Variants in TCHH observed in about 807,000 individuals in gnomAD.
TCHH encodes the protein trichohyalin.
In TCHH, 6 loss-of-function variants were observed where a neutral mutation model predicts 6.3. That is an observed-to-expected ratio of 0.95 (90% CI 0.52 to 1.88). The LOEUF is 1.88. Among genes scored for constraint, TCHH ranks in the 40% most tolerant of loss-of-function variants. The pLI, the probability that TCHH is intolerant of heterozygous loss-of-function variation, is 0.01. For missense variants in TCHH, 2,920 were observed against 2,449.1 expected, an observed-to-expected ratio of 1.19 and a Z score of -4.06; for synonymous variants, 1,087 against 963.6, an observed-to-expected ratio of 1.13 and a Z score of -2.37.
chr1:152,108,943 C>T lies in TCHH; in HGVS notation c.4274G>A (p.Arg1425His). Residue 1425 changes from arginine (R) to histidine (H), a missense_variant, in exon 3 of 3, where the codon CGC becomes CAC. Coordinates refer to ENST00000614923, the MANE Select transcript of TCHH (RefSeq NM_007113.4). ...ACGGAATTTTCTGTCACGCTCTTGG[C>T]GGCTCAGCTGCTGTTCCTCCTCGCG... ...KFREEEQQLS[R>H]QERDRKFREE... 3.7e-6 allele frequency: 6 copies of T among 1,611,402 alleles called. No homozygotes were observed. The highest frequency in any genetic ancestry group is 1.4e-5 in the African/African-American group (1 of 73,992).
rs1658172575 is a variant in TCHH, at chr1:152,108,143, T to C, written c.5074A>G (p.Lys1692Glu). 1 of 1,612,892 alleles carries C rather than the reference T, an allele frequency of 6.2e-7. No homozygotes were observed. The highest frequency in any genetic ancestry group is 1.3e-5 in the African/African-American group (1 of 74,476). The change falls in exon 3 of 3, where the codon AAA becomes GAA. Residue 1692 changes from lysine to glutamate, a missense_variant. Physicochemically the swap from Lys to Glu is moderately conservative, Grantham distance 56. Transcript: ENST00000614923. Reference sequence around the variant, plus strand: ...AGCTGCTGTTCCTCTTCGCGGAATTTTCTGTCACGCTCTTGGCGGCGCAGC... The same window carrying C: ...AGCTGCTGTTCCTCTTCGCGGAATTCTCTGTCACGCTCTTGGCGGCGCAGC... ...QQLRRQERDR[K>E]FREEEQQLRR... is the part of the protein sequence containing the mutation.
At position 152,109,203 on chromosome 1, in the gene TCHH, GA is replaced by G. The variant is rs1557809494; in HGVS notation, c.4013del (p.Phe1338SerfsTer86). 1 of 1,614,246 alleles carries G rather than the reference GA, an allele frequency of 6.2e-7. No individual in the cohort carries two copies. Among genetic ancestry groups the G allele is most frequent in the Non-Finnish European group, 8.5e-7 (1 of 1,180,036 alleles). On this transcript the variant is annotated frameshift_variant, in exon 3 of 3. Coordinates refer to ENST00000614923, the MANE Select transcript of TCHH (RefSeq NM_007113.4). LOFTEE classifies it low-confidence loss of function (END_TRUNC). Reference sequence around the variant, plus strand: ...CCTGGAGCAGCTGTTCCTCCTCGCGGAATTTTCTGTCTGTCTCTTGACGGCG... The same window carrying G: ...CCTGGAGCAGCTGTTCCTCCTCGCGGATTTTCTGTCTGTCTCTTGACGGCG... ...KRRRQETDRK[F>X]REEEQLLQER...
Position 152,111,873 on chromosome 1 carries a change from C to T in TCHH, c.1344G>A (p.Lys448=). 1.2e-6 allele frequency: 2 copies of T among 1,608,320 alleles called. No homozygotes were observed. The highest frequency in any genetic ancestry group is 1.7e-6 in the Non-Finnish European group (2 of 1,178,832). ...AATCGCGCCTCTCCTCCTGCTCGCG[C>T]TTCAGCCGCTGCTCGCGCCTCTCCT... is the stretch of plus-strand genomic sequence containing the variant. The part of the protein sequence containing the change: ...HEQERREQRL[K]REQEERRDWL... The change falls in exon 3 of 3, where the codon AAG becomes AAA. Residue 448 remains lysine, a synonymous_variant. Transcript: ENST00000614923.
Position 152,112,707 on chromosome 1 carries a change from G to T in TCHH, c.510C>A (p.Asp170Glu), listed in dbSNP as rs1333958642. 1 of 1,613,926 alleles carries T rather than the reference G, an allele frequency of 6.2e-7. No homozygotes were observed. The highest frequency in any genetic ancestry group is 1.3e-5 in the African/African-American group (1 of 74,870). The change falls in exon 3 of 3, where the codon GAC becomes GAA. Residue 170 changes from aspartate (D) to glutamate (E), a missense_variant. Coordinates refer to ENST00000614923, the MANE Select transcript of TCHH (RefSeq NM_007113.4). ...RLEQRDRQRR[D>E]EELWRQRQEW... Reference sequence around the variant, plus strand: ...CTTGCCTTTGCCGCCACAGCTCCTCGTCGCGGCGCTGCCTGTCGCGCTGTT... The same window carrying T: ...CTTGCCTTTGCCGCCACAGCTCCTCTTCGCGGCGCTGCCTGTCGCGCTGTT...
In TCHH at chr1:152,109,446, C is replaced by T; in HGVS notation, c.3771G>A (p.Gln1257=). Reference sequence around the variant, plus strand: ...CTTGCTGGGATTGTCTGTCGCGCAGCTGGGAATCTTCCAACTGCCGGAACT... The same window carrying T: ...CTTGCTGGGATTGTCTGTCGCGCAGTTGGGAATCTTCCAACTGCCGGAACT... The part of the protein sequence containing the change: ...NEQFRQLEDS[Q]LRDRQSQQDL... The change falls in exon 3 of 3, where the codon CAG becomes CAA. Residue 1257 remains glutamine, a synonymous_variant. Coordinates refer to ENST00000614923, the MANE Select transcript of TCHH (RefSeq NM_007113.4). 1 of 1,614,282 alleles carries T rather than the reference C, an allele frequency of 6.2e-7. No individual in the cohort carries two copies. Among genetic ancestry groups the T allele is most frequent in the Non-Finnish European group, 8.5e-7 (1 of 1,180,056 alleles).
At position 152,111,896 on chromosome 1, in the gene TCHH, C is replaced by CCTGCTCGTGCTT; in HGVS notation, c.1309_1320dup (p.Lys437_Gln440dup). On this transcript the variant is annotated inframe_insertion, in exon 3 of 3. Coordinates refer to ENST00000614923, the MANE Select transcript of TCHH (RefSeq NM_007113.4). ...CGCTTCAGCCGCTGCTCGCGCCTCTCCTGCTCGTGCTTCTGCTCGTGCCTC... is the reference window on the plus strand; with the variant it reads ...CGCTTCAGCCGCTGCTCGCGCCTCTCCTGCTCGTGCTTCTGCTCGTGCTTCTGCTCGTGCCTC... 1.3e-6 allele frequency: 2 copies of CCTGCTCGTGCTT among 1,598,130 alleles called. No individual in the cohort carries two copies. Among genetic ancestry groups the CCTGCTCGTGCTT allele is most frequent in the Middle Eastern group, 1.7e-4 (1 of 6,000 alleles).
Position 152,108,871 on chromosome 1 carries a change from A to T in TCHH, c.4346T>A (p.Leu1449Gln). ...CTGGCGCAGCTGCTGTTCCTCCTCC[A>T]GGAATTTTCTCTCTCGTTCCTGGCG... ...VRRQERERKF[L>Q]EEEQQLRQER... Residue 1449 changes from leucine to glutamine, a missense_variant, in exon 3 of 3, where the codon CTG (leucine) becomes CAG (glutamine). Leu to Gln is a moderately radical substitution (Grantham distance 113, BLOSUM62 -2). Transcript: ENST00000614923. 1.3e-6 allele frequency: 2 copies of T among 1,598,022 alleles called. No individual in the cohort carries two copies. The highest frequency in any genetic ancestry group is 8.5e-7 in the Non-Finnish European group (1 of 1,176,024).
chr1:152,109,956 C>G lies in TCHH; in HGVS notation c.3261G>C (p.Gln1087His). 6.3e-7 allele frequency: 1 copy of G among 1,583,678 alleles called. No individual in the cohort carries two copies. The highest frequency in any genetic ancestry group is 8.6e-7 in the Non-Finnish European group (1 of 1,166,582). Reference protein sequence around the residue: ...ERQYRKEEELQQEEEQLLREE... With the variant: ...ERQYRKEEELHQEEEQLLREE... ...CTCTCAGCAGCTGCTCTTCCTCCTG[C>G]TGCAGCTCCTCTTCCTTCCGATATT... Residue 1087 changes from glutamine (Q) to histidine (H), a missense_variant, in exon 3 of 3, where the codon CAG becomes CAC. Physicochemically the swap from Gln to His is conservative, Grantham distance 24. Coordinates refer to ENST00000614923, the MANE Select transcript of TCHH (RefSeq NM_007113.4).
rs374955498 is a variant in TCHH at position 152,107,375 on chromosome 1, G to A, written c.*10C>T. On this transcript the variant is annotated 3_prime_UTR_variant, in exon 3 of 3. Coordinates refer to ENST00000614923, the MANE Select transcript of TCHH (RefSeq NM_007113.4). ...AGCTTTGGCAGGTGTCAAGATATTG[G>A]CAACATCACTTAAGGGCGGTATTGA... 6 of 1,531,884 alleles carry A rather than the reference G, an allele frequency of 3.9e-6. No homozygotes were observed. The South Asian group carries it at 5.2e-5, about 13-fold the overall frequency. 94.9% of individuals were successfully genotyped at this position (1,531,884 alleles called of 1,614,324 possible). A position where few individuals can be genotyped will look rare whatever the true frequency, so the allele number is the denominator to read the frequency against.
rs972212297 is a variant in TCHH at position 152,109,004 on chromosome 1, C to A, written c.4213G>T (p.Glu1405Ter). 6.2e-7 allele frequency: 1 copy of A among 1,610,846 alleles called. No individual in the cohort carries two copies. Among genetic ancestry groups the A allele is most frequent in the Non-Finnish European group, 8.5e-7 (1 of 1,179,222 alleles). The change falls in exon 3 of 3, where the codon GAG (glutamate) becomes TAG (stop). Residue 1405 changes from glutamate to a stop codon, truncating the protein, a stop_gained. Coordinates refer to ENST00000614923, the MANE Select transcript of TCHH (RefSeq NM_007113.4). LOFTEE classifies it low-confidence loss of function (END_TRUNC). ...TCGCGGTCCTGACGCAGCTGTTGCT[C>A]GCGCTCCTGGCAGCGCAGCTGCTGT... ...EEQQLRCQER[E>*]QQLRQDRDRK...
In TCHH at chr1:152,110,967, C is replaced by T; in HGVS notation, c.2250G>A (p.Glu750=). 2.5e-6 allele frequency: 4 copies of T among 1,613,496 alleles called. No homozygotes were observed. The highest frequency in any genetic ancestry group is 2.5e-6 in the Non-Finnish European group (3 of 1,180,028). The change falls in exon 3 of 3, where the codon GAG becomes GAA. Residue 750 remains glutamate (E), a synonymous_variant. Transcript: ENST00000614923. ...RRRESELQWQ[E]EERAHRQQQE... ...GCTGCTGCCGGTGAGCCCGTTCCTCCTCCTGCCATTGCAGCTCACTCTCCC... is the reference window on the plus strand; with the variant it reads ...GCTGCTGCCGGTGAGCCCGTTCCTCTTCCTGCCATTGCAGCTCACTCTCCC...
Position 152,107,625 on chromosome 1 carries a change from T to C in TCHH, c.5592A>G (p.Leu1864=), listed in dbSNP as rs750850056. The part of the protein sequence containing the change: ...QEKSRREEQE[L]WQEEEQKRRQ... Reference sequence around the variant, plus strand: ...GACGTTTCTGCTCCTCTTCTTGCCATAGTTCTTGTTCCTCACGACGACTCT... The same window carrying C: ...GACGTTTCTGCTCCTCTTCTTGCCACAGTTCTTGTTCCTCACGACGACTCT... The change falls in exon 3 of 3, where the codon CTA becomes CTG. Residue 1864 remains leucine (L), a synonymous_variant. Coordinates refer to ENST00000614923, the MANE Select transcript of TCHH (RefSeq NM_007113.4). 1.2e-6 allele frequency: 2 copies of C among 1,614,050 alleles called. No homozygotes were observed. The highest frequency in any genetic ancestry group is 1.3e-5 in the African/African-American group (1 of 74,922).
At position 152,110,102 on chromosome 1, in the gene TCHH, C is replaced by T. The variant is rs1658276417; in HGVS notation, c.3115G>A (p.Glu1039Lys). 6.2e-7 allele frequency: 1 copy of T among 1,612,040 alleles called. No individual in the cohort carries two copies. The highest frequency in any genetic ancestry group is 1.3e-5 in the African/African-American group (1 of 74,460). Residue 1039 changes from glutamate to lysine, a missense_variant, in exon 3 of 3, where the codon GAG becomes AAG. By Grantham distance (56) the Glu-to-Lys change is moderately conservative (BLOSUM62 1). Transcript: ENST00000614923. ...TCCCGCTCCTGGAGTCTTCTTTTCT[C>T]CCGTTCCTCTCTCAGCAGCTGCTCT... ...EEEQLLREER[E>K]KRRLQERERQ...
In TCHH at chr1:152,112,927, T is replaced by G; in HGVS notation, c.290A>C (p.Glu97Ala). ...TCCGTCACACCGGGCTCGCTTCTCC[T>G]CATCCAGTCCCGTGGCCTGGCCGAG... ...YALGQATGLD[E>A]EKRARCDGKE... is the part of the protein sequence containing the mutation. The change falls in exon 3 of 3, where the codon GAG becomes GCG. Residue 97 changes from glutamate to alanine, a missense_variant. Coordinates refer to ENST00000614923, the MANE Select transcript of TCHH (RefSeq NM_007113.4). 6.2e-7 allele frequency: 1 copy of G among 1,614,018 alleles called. No individual in the cohort carries two copies. Among genetic ancestry groups the G allele is most frequent in the Non-Finnish European group, 8.5e-7 (1 of 1,180,022 alleles).
In TCHH at chr1:152,108,241, T is replaced by C. The variant is rs1189706747; in HGVS notation, c.4976A>G (p.Gln1659Arg). 6.2e-6 allele frequency: 10 copies of C among 1,601,132 alleles called. No individual in the cohort carries two copies. The Admixed American group carries it at 1.4e-4, about 22-fold the overall frequency. The change falls in exon 3 of 3, where the codon CAA becomes CGA. Residue 1659 changes from glutamine (Q) to arginine (R), a missense_variant. Physicochemically the swap from Gln to Arg is conservative, Grantham distance 43 (BLOSUM62 1). Coordinates refer to ENST00000614923, the MANE Select transcript of TCHH (RefSeq NM_007113.4). Reference protein sequence around the residue: ...EPQLRRQEREQQLRHDRDRKF... With the variant: ...EPQLRRQERERQLRHDRDRKF... The stretch of plus-strand genomic sequence containing the variant: ...TCTGTCGCGGTCGTGACGCAGCTGT[T>C]GTTCGCGCTCCTGGCGGCGCAGCTG...
At position 152,108,017 on chromosome 1, in the gene TCHH, C is replaced by T; in HGVS notation, c.5200G>A (p.Glu1734Lys). 3.7e-6 allele frequency: 6 copies of T among 1,612,232 alleles called. No individual in the cohort carries two copies. Among genetic ancestry groups the T allele is most frequent in the Non-Finnish European group, 5.1e-6 (6 of 1,179,554 alleles). The change falls in exon 3 of 3, where the codon GAA becomes AAA. Residue 1734 changes from glutamate (E) to lysine (K), a missense_variant. Transcript: ENST00000614923. The stretch of plus-strand genomic sequence containing the variant: ...CGGCGCAGCTGCTCTTGCTCCGTTT[C>T]TTGGCGCAGCTGTTCCTCCTCACGG... ...KFREEEQLRQ[E>K]TEQEQLRRQE...
In TCHH at chr1:152,108,192, C is replaced by T; in HGVS notation, c.5025G>A (p.Leu1675=). The T allele has an allele frequency of 1.2e-6, 2 of 1,611,038 alleles. No homozygotes were observed. Among genetic ancestry groups the T allele is most frequent in the South Asian group, 1.1e-5 (1 of 90,888 alleles). The stretch of plus-strand genomic sequence containing the variant: ...GCTGCTGTTCCTCCCCTTCCTGGAG[C>T]AGCTGTTCCTCTTCACGGAATTTTC... ...RDRKFREEEQ[L]LQEGEEQQLR... is the part of the protein sequence containing the mutation. Residue 1675 remains leucine, a synonymous_variant, in exon 3 of 3, where the codon CTG becomes CTA. Coordinates refer to ENST00000614923, the MANE Select transcript of TCHH (RefSeq NM_007113.4).
Position 152,108,113 on chromosome 1 carries a change from G to C in TCHH, c.5104C>G (p.Arg1702Gly), listed in dbSNP as rs367896460. ...KFREEEQQLRRQERERKFLQE... is the reference protein window; with the variant it reads ...KFREEEQQLRGQERERKFLQE... ...AGGAATTTTCTCTCTCGTTCCTGAC[G>C]GCGGAGCTGCTGTTCCTCTTCGCGG... Residue 1702 changes from arginine (R) to glycine (G), a missense_variant, in exon 3 of 3, where the codon CGT (arginine) becomes GGT (glycine). By Grantham distance (125) the Arg-to-Gly change is moderately radical. Transcript: ENST00000614923. 5.0e-6 allele frequency: 8 copies of C among 1,609,606 alleles called. No individual in the cohort carries two copies. In the African/African-American group the frequency reaches 9.6e-5, roughly 19 times the overall value.
rs1465224535 is a variant in TCHH at position 152,109,197 on chromosome 1, C to T, written c.4020G>A (p.Glu1340=). 1 of 1,614,066 alleles carries T rather than the reference C, an allele frequency of 6.2e-7. No homozygotes were observed. Among genetic ancestry groups the T allele is most frequent in the Non-Finnish European group, 8.5e-7 (1 of 1,180,028 alleles). The change falls in exon 3 of 3, where the codon GAG becomes GAA. Residue 1340 remains glutamate (E), a synonymous_variant. Transcript: ENST00000614923. ...RRQETDRKFR[E]EEQLLQEREE... is the part of the protein sequence containing the mutation. Reference sequence around the variant, plus strand: ...CCCTTTCCTGGAGCAGCTGTTCCTCCTCGCGGAATTTTCTGTCTGTCTCTT... The same window carrying T: ...CCCTTTCCTGGAGCAGCTGTTCCTCTTCGCGGAATTTTCTGTCTGTCTCTT...
Sources: gnomAD v4.1 joint callset for allele counts on GRCh38, gnomAD v4.1.1 for gene constraint, MANE v1.5 for transcripts, NCBI Gene and HGNC (gene_info 2026-07-23, HGNC 2026-07-21) for gene names.